GPC3: variants seen among roughly 807,000 people sequenced by gnomAD.
The protein encoded by GPC3 is glypican 3.
Under a neutral mutation model 34.4 loss-of-function variants are expected in GPC3, and 3 were observed. The observed-to-expected ratio is 0.09, with a 90% confidence interval of 0.04 to 0.23. GPC3 has a LOEUF of 0.23. Among genes scored for constraint, GPC3 ranks in the 10% least tolerant of loss-of-function variants. The pLI is 1.00. For synonymous variants in GPC3, 177 were observed against 174.0 expected, an observed-to-expected ratio of 1.02 and a Z score of -0.13; for missense variants, 351 against 445.6, an observed-to-expected ratio of 0.79 and a Z score of 1.91.
intron 1 of GPC3, among the ~76,000 whole-genome samples, chrX:133,980,397 G>A (rs898558348): frequency 4.5e-5 from 5 of 112,044 alleles, no homozygotes; most frequent in African/African-American, 1.3e-4. Context: ...GAGTTCATAG[G>A]GAACACATAA....
At chrX:133,982,116 A>G (rs1412682046) in intron 1 of GPC3, among the ~76,000 whole-genome samples, 2 of 112,599 alleles carry the variant, frequency 1.8e-5, no homozygotes, top group Non-Finnish European at 3.7e-5. Flanking sequence ...AATTGGAAAC[A>G]TCATTGTCTG....
At chrX:133,798,523 T>A (rs1271354030) in intron 2 of GPC3, among the ~76,000 whole-genome samples, 1 of 112,116 alleles carries the variant, frequency 8.9e-6, no homozygotes, top group Non-Finnish European at 1.9e-5. Flanking sequence ...GGTTACCCCA[T>A]CCATCTAACT....
intron 7 of GPC3, among the ~76,000 whole-genome samples, chrX:133,558,989 G>A (rs2069519270): frequency 9.0e-6 from 1 of 111,569 alleles, no homozygotes; most frequent in Non-Finnish European, 1.9e-5. Flanking sequence ...GACGAGTGGT[G>A]GGTGTGGCAG....
At chrX:133,869,461 TCA>T (rs1458030507) in intron 2 of GPC3, among the ~76,000 whole-genome samples, 1 of 111,712 alleles carries the variant, frequency 9.0e-6, no homozygotes, top group East Asian at 2.8e-4. Flanking sequence ...CTACATTAAG[TCA>T]CACACCTGTT....
chrX:133,930,562 C>A (rs993350034), intron 2 of GPC3, among the ~76,000 whole-genome samples: 1 of 112,590 alleles, frequency 8.9e-6, no homozygotes, highest in Admixed American at 9.4e-5. Context: ...TTTAGTACTT[C>A]AAGTCTATAA....
chrX:133,842,177 T>C (rs142460877), intron 2 of GPC3, among the ~76,000 whole-genome samples: 8,565 of 109,198 alleles, frequency 0.078, 593 homozygotes, highest in African/African-American at 0.21. Flanking sequence ...ATTAGCTGGG[T>C]GTGGTGATGG....
intron 3 of GPC3, among the ~76,000 whole-genome samples, chrX:133,703,585 C>T (rs750203740): frequency 1.2e-4 from 13 of 109,529 alleles, no homozygotes; most frequent in African/African-American, 2.3e-4. Flanking sequence ...TTCAGCCTCC[C>T]GAGTAGCTGG....
intron 7 of GPC3, among the ~76,000 whole-genome samples, chrX:133,540,960 G>GCA (rs2069336953): frequency 9.4e-6 from 1 of 106,445 alleles, no homozygotes; most frequent in African/African-American, 3.4e-5. Context: ...GTGTGTGCGC[G>GCA]CACTGTGGGG....
At chrX:133,936,445 AG>A (rs1488264765) in intron 2 of GPC3, among the ~76,000 whole-genome samples, 1 of 110,701 alleles carries the variant, frequency 9.0e-6, no homozygotes, top group Non-Finnish European at 1.9e-5. Context: ...CAAAGGTAAA[AG>A]TTTTCCACAC....
At chrX:133,692,572 T>A in intron 4 of GPC3, 78 bp from the exon 5 acceptor site, 1 of 905,632 alleles carries the variant, frequency 1.1e-6, no homozygotes, top group Non-Finnish European at 1.6e-6. Context: ...CTTATCAGCA[T>A]GACAGAAAGG....
chrX:133,709,147 G>C (rs945954353), intron 3 of GPC3, among the ~76,000 whole-genome samples: 3 of 111,529 alleles, frequency 2.7e-5, no homozygotes, highest in East Asian at 2.8e-4. Context: ...ATAATGTCTC[G>C]AATTCAGCTA....
intron 6 of GPC3, among the ~76,000 whole-genome samples, chrX:133,638,619 C>T (rs1359294119): frequency 3.6e-5 from 4 of 111,410 alleles, no homozygotes; most frequent in Non-Finnish European, 7.5e-5. Context: ...GAATGCCTTG[C>T]CTCAAATTTA....
chrX:133,961,379 A>G (rs1158853722), intron 1 of GPC3, among the ~76,000 whole-genome samples: 1 of 111,642 alleles, frequency 9.0e-6, no homozygotes, highest in African/African-American at 3.3e-5. Context: ...CGAAAATTAA[A>G]GAAAGAATTA....
chrX:133,588,383 C>A (rs1436719624), intron 7 of GPC3, among the ~76,000 whole-genome samples: 1 of 110,823 alleles, frequency 9.0e-6, no homozygotes, highest in Non-Finnish European at 1.9e-5. Context: ...TTTAAAAAAA[C>A]AAAAAACAAA....
At chrX:133,921,300 G>A (rs1299862808) in intron 2 of GPC3, among the ~76,000 whole-genome samples, 1 of 111,302 alleles carries the variant, frequency 9.0e-6, no homozygotes, top group Non-Finnish European at 1.9e-5. Flanking sequence ...GGTCCTTGCT[G>A]GCTGGGAACC....
At chrX:133,905,798 T>C (rs1437274448) in intron 2 of GPC3, among the ~76,000 whole-genome samples, 1 of 111,001 alleles carries the variant, frequency 9.0e-6, no homozygotes, top group Non-Finnish European at 1.9e-5. Flanking sequence ...AAAAGATGAA[T>C]GAATATATTT....
At chrX:133,906,917 G>A (rs1340503584) in intron 2 of GPC3, among the ~76,000 whole-genome samples, 4 of 110,816 alleles carry the variant, frequency 3.6e-5, no homozygotes, top group Admixed American at 1.9e-4. Flanking sequence ...GCTAACAAAC[G>A]GTGAAACCCC....
At chrX:133,542,079 C>A (rs1365687588) in intron 7 of GPC3, among the ~76,000 whole-genome samples, 4 of 112,166 alleles carry the variant, frequency 3.6e-5, no homozygotes, top group African/African-American at 1.3e-4. Context: ...CTGTCCCTGA[C>A]AGGGCCTCCA....
At chrX:133,904,429 T>C (rs1450451911) in intron 2 of GPC3, among the ~76,000 whole-genome samples, 2 of 111,111 alleles carry the variant, frequency 1.8e-5, no homozygotes, top group East Asian at 5.7e-4. Context: ...TGAAATGGAG[T>C]GCTAAAACTA....
Sources: allele counts gnomAD v4.1 joint callset (sites outside exome capture counted in the v4.1 genomes callset), GRCh38; gene constraint gnomAD v4.1.1; transcripts MANE v1.5; gene names NCBI Gene and HGNC (gene_info 2026-07-23, HGNC 2026-07-21).